The following FMO5 variants were observed in gnomAD, a reference collection of about 807,000 sequenced individuals.
The protein encoded by FMO5 is flavin containing dimethylaniline monoxygenase 5.
Under a neutral mutation model 43.6 loss-of-function variants are expected in FMO5, and 51 were observed. That is an observed-to-expected ratio of 1.17 (90% CI 0.93 to 1.48). FMO5 has a LOEUF of 1.48. Ranked by LOEUF, FMO5 falls within the 40% of genes most tolerant of loss-of-function variation. The pLI, the probability that FMO5 is intolerant of heterozygous loss-of-function variation, is 0.00. For missense variants in FMO5, 644 were observed against 643.0 expected (o/e 1.00, Z -0.02); for synonymous variants, 187 against 216.5 (o/e 0.86, Z 1.20).
chr1:147,203,625 C>T (rs982540505), intron 6 of FMO5: 9 of 1,240,358 alleles, frequency 7.3e-6, no homozygotes, highest in African/African-American at 4.4e-5. Context: ...TTCTTAATAG[C>T]GTACTGTTCA....
rs587687030 is a variant in FMO5, at chr1:147,194,349, C to T, written c.1184-4100G>A. Among the ~76,000 whole-genome samples the T allele has an allele frequency of 3.1e-4, 47 of 151,844 alleles. No homozygotes were observed. The South Asian group carries it at 4.1e-3, about 13-fold the overall frequency. ...TGCAACCCCTGCCTTTTTTTGTTTT[C>T]GATTTGCTTGGTAGATCTTCCTCCA... On this transcript the variant is annotated intron_variant, in intron 7 of 8. Transcript: ENST00000254090.
chr1:147,202,312 CTTTTT>C (rs55820230), intron 6 of FMO5, among the ~76,000 whole-genome samples: 1 of 77,448 alleles, frequency 1.3e-5, no homozygotes, highest in Non-Finnish European at 2.5e-5. Flanking sequence ...AAAAGCAGTT[CTTTTT>C]TTTTTTTTTT....
At chr1:147,216,084 G>A (rs1661945463) in intron 2 of FMO5, 142 bp from the exon 3 acceptor site, 1 of 601,674 alleles carries the variant, frequency 1.7e-6, no homozygotes, top group East Asian at 2.9e-5. Context: ...CCCTTATGTA[G>A]TCCCTTCCCC....
chr1:147,209,387 A>T (rs140227202), intron 5 of FMO5, among the ~76,000 whole-genome samples: 2 of 150,130 alleles, frequency 1.3e-5, no homozygotes, highest in African/African-American at 2.5e-5. Context: ...GCAGTGAGCC[A>T]AGATCGCACC....
At chr1:147,212,832 C>A (rs1414923268) in intron 4 of FMO5, among the ~76,000 whole-genome samples, 1 of 152,056 alleles carries the variant, frequency 6.6e-6, no homozygotes, top group East Asian at 1.9e-4. Context: ...TCTCTTTTAT[C>A]TTTTCATCCC....
chr1:147,189,021 A>G (rs1197081065), intron 8 of FMO5, among the ~76,000 whole-genome samples: 2 of 152,156 alleles, frequency 1.3e-5, no homozygotes, highest in African/African-American at 4.8e-5. Flanking sequence ...CATGCCTGTA[A>G]TCCCAGCACT....
upstream of FMO5, chr1:147,225,408 C>T: frequency 5.1e-6 from 1 of 194,494 alleles, no homozygotes; most frequent in Non-Finnish European, 1.1e-5. Context: ...CGGGGAGGGG[C>T]TGTAGCACTC....
At chr1:147,204,280 A>G (rs1231971632) in intron 6 of FMO5, 18 of 995,274 alleles carry the variant, frequency 1.8e-5, no homozygotes, top group Admixed American at 1.0e-4. Flanking sequence ...CATGCCATGC[A>G]ATACTGAAGA....
chr1:147,213,751 G>A (rs1553924373), intron 3 of FMO5, among the ~76,000 whole-genome samples: 2 of 152,168 alleles, frequency 1.3e-5, no homozygotes, highest in African/African-American at 4.8e-5. Flanking sequence ...CTAAGGCACT[G>A]TAACACCTGA....
At chr1:147,188,522 C>CAAAAAAAA (rs10552833) in intron 8 of FMO5, among the ~76,000 whole-genome samples, 1 of 61,248 alleles carries the variant, frequency 1.6e-5, no homozygotes, top group Non-Finnish European at 3.1e-5. Context: ...GACCCCATAT[C>CAAAAAAAA]AAAAAAAAAA....
chr1:147,188,174 C>T (rs782643113), intron 8 of FMO5, among the ~76,000 whole-genome samples: 16 of 152,052 alleles, frequency 1.1e-4, no homozygotes, highest in Non-Finnish European at 1.8e-4. Context: ...AATATGTTGG[C>T]TCAAGAGTTT....
chr1:147,225,771 A>G (rs1663927498), upstream of FMO5: 1 of 152,264 alleles, frequency 6.6e-6, no homozygotes, highest in Admixed American at 6.5e-5. Context: ...AGGATGAGCC[A>G]CAGACAAAAC....
At chr1:147,215,105 A>G (rs1258929048) in intron 3 of FMO5, 2 of 152,226 alleles carry the variant, frequency 1.3e-5, no homozygotes, top group African/African-American at 4.8e-5. Context: ...GAAAAGTCCT[A>G]GAATACTTTA....
chr1:147,213,759 T>C (rs139903549), intron 3 of FMO5, among the ~76,000 whole-genome samples: 36 of 152,280 alleles, frequency 2.4e-4, no homozygotes, highest in Admixed American at 2.4e-3. Flanking sequence ...CTGTAACACC[T>C]GAGTAAAGCC....
intron 1 of FMO5, 31 bp downstream of exon 1, chr1:147,225,256 G>A (rs1663843680): frequency 8.4e-7 from 1 of 1,192,100 alleles, no homozygotes; most frequent in Non-Finnish European, 1.1e-6. Flanking sequence ...ACCCAGAGCT[G>A]AGAGTGCTCT....
At chr1:147,187,535 T>G (rs1655845242) in intron 8 of FMO5, among the ~76,000 whole-genome samples, 1 of 152,060 alleles carries the variant, frequency 6.6e-6, no homozygotes, top group Non-Finnish European at 1.5e-5. Flanking sequence ...TTGAAGGATG[T>G]GAAAGATACA....
At chr1:147,222,392 G>A (rs1453172400) in intron 2 of FMO5, among the ~76,000 whole-genome samples, 1 of 152,086 alleles carries the variant, frequency 6.6e-6, no homozygotes, top group Non-Finnish European at 1.5e-5. Flanking sequence ...AGAGAGCAGG[G>A]GATGGAAGTT....
At position 147,186,688 on chromosome 1, in the gene FMO5, A is replaced by T. The variant is rs1378649480; in HGVS notation, c.*212T>A. 1 of 1,385,576 alleles carries T rather than the reference A, an allele frequency of 7.2e-7. No homozygotes were observed. The highest frequency in any genetic ancestry group is 3.1e-5 in the Admixed American group (1 of 31,766). The allele number at this position is 1,385,576 out of a possible 1,614,324, so 85.8% of individuals were successfully genotyped here. On this transcript the variant is annotated 3_prime_UTR_variant, in exon 9 of 9. Coordinates refer to ENST00000254090, the MANE Select transcript of FMO5 (RefSeq NM_001461.4). Reference sequence around the variant, plus strand: ...TCCCAGTCTAGGGATTACCACAAGGAAGAGTGACGGATCATGAGTGGAAGG... The same window carrying T: ...TCCCAGTCTAGGGATTACCACAAGGTAGAGTGACGGATCATGAGTGGAAGG...
In FMO5 at chr1:147,193,339, T is replaced by C. The variant is rs180744745; in HGVS notation, c.1184-3090A>G. 9.6e-3 allele frequency among the ~76,000 whole-genome samples: 1,458 copies of C among 152,308 alleles called. 27 individuals carry two copies. Among genetic ancestry groups the C allele is most frequent in the African/African-American group, 0.033 (1,388 of 41,538 alleles). On this transcript the variant is annotated intron_variant, in intron 7 of 8. Transcript: ENST00000254090. The stretch of plus-strand genomic sequence containing the variant: ...TCTCTGATGGTAGTTTGTATTTCTG[T>C]GGGATCGGTGGTGATATCCCCTTTA...
Sources: allele counts gnomAD v4.1 joint callset (sites outside exome capture counted in the v4.1 genomes callset), GRCh38; gene constraint gnomAD v4.1.1; transcripts MANE v1.5; gene names NCBI Gene and HGNC (gene_info 2026-07-23, HGNC 2026-07-21).